Variants in FMN2 observed in about 807,000 individuals in gnomAD.
FMN2 encodes formin 2, also known as formin-2.
A neutral mutation model predicts 142.3 loss-of-function variants in FMN2; 51 were observed. The ratio of observed to expected loss-of-function variants is 0.36; its 90% CI spans 0.29 to 0.45. The LOEUF is 0.45. FMN2 is among the 20% of genes least tolerant of loss of function. FMN2 has a pLI of 1.00. For missense variants in FMN2, 1,936 were observed against 2,122.8 expected (o/e 0.91, Z 1.73); for synonymous variants, 882 against 869.8 (o/e 1.01, Z -0.25).
chr1:240,386,438 T>C (rs1320159251), intron 14 of FMN2, among the ~76,000 whole-genome samples: 1 of 152,208 alleles, frequency 6.6e-6, no homozygotes, highest in Non-Finnish European at 1.5e-5. Flanking sequence ...CCATCTGATA[T>C]TACTCAAATG....
At chr1:240,331,917 G>C (rs1197444406) in intron 11 of FMN2, among the ~76,000 whole-genome samples, 1 of 152,148 alleles carries the variant, frequency 6.6e-6, no homozygotes, top group Admixed American at 6.5e-5. Context: ...GTGAAAAACA[G>C]AATGGTTGTA....
chr1:240,454,229 A>T (rs995543711), intron 16 of FMN2, among the ~76,000 whole-genome samples: 2 of 152,054 alleles, frequency 1.3e-5, no homozygotes, highest in African/African-American at 4.8e-5. Context: ...ACTCTTGCTG[A>T]GCATCATTCT....
intron 15 of FMN2, among the ~76,000 whole-genome samples, chr1:240,436,867 A>G (rs191830723): frequency 1.3e-5 from 2 of 152,138 alleles, no homozygotes; most frequent in African/African-American, 4.8e-5. Flanking sequence ...TTTCTACTTC[A>G]GAGTAGATCA....
intron 13 of FMN2, among the ~76,000 whole-genome samples, chr1:240,351,001 G>A (rs1672077633): frequency 6.6e-6 from 1 of 152,172 alleles, no homozygotes; most frequent in East Asian, 1.9e-4. Flanking sequence ...TTGCCTGTGG[G>A]AGATTATTCT....
chr1:240,320,267 G>T (rs182060385), intron 8 of FMN2, among the ~76,000 whole-genome samples: 3 of 152,004 alleles, frequency 2.0e-5, no homozygotes, highest in Admixed American at 2.0e-4. Flanking sequence ...GAAAAAGACT[G>T]GGGGAGAGGG....
intron 1 of FMN2, among the ~76,000 whole-genome samples, chr1:240,102,455 C>G (rs188516582): frequency 3.3e-5 from 5 of 151,938 alleles, no homozygotes; most frequent in African/African-American, 1.2e-4. Flanking sequence ...ATTTTTTAAC[C>G]TATATACTTG....
chr1:240,218,733 C>T (rs1667000638), intron 6 of FMN2, among the ~76,000 whole-genome samples: 1 of 152,064 alleles, frequency 6.6e-6, no homozygotes. Flanking sequence ...GATGACAGCA[C>T]AGTTGATCCA....
At chr1:240,287,747 T>G (rs1203254292) in intron 7 of FMN2, among the ~76,000 whole-genome samples, 1 of 152,228 alleles carries the variant, frequency 6.6e-6, no homozygotes, top group Non-Finnish European at 1.5e-5. Context: ...CAACATTTTC[T>G]GAGTGTTTGC....
intron 6 of FMN2, among the ~76,000 whole-genome samples, chr1:240,231,077 T>G (rs1667511616): frequency 7.6e-6 from 1 of 131,822 alleles, no homozygotes; most frequent in Non-Finnish European, 1.6e-5. Flanking sequence ...ACTTGGCTGT[T>G]GTGTTGTAAG....
At chr1:240,281,472 T>A (rs1044133462) in intron 7 of FMN2, among the ~76,000 whole-genome samples, 1 of 152,174 alleles carries the variant, frequency 6.6e-6, no homozygotes, top group African/African-American at 2.4e-5. Context: ...TGGTTTATGC[T>A]GTATCCTCAG....
chr1:240,123,519 A>AAAG (rs1553327815), intron 2 of FMN2, among the ~76,000 whole-genome samples, 174 bp downstream of exon 2: 4,133 of 150,864 alleles, frequency 0.027, 76 homozygotes, highest in Admixed American at 0.044. Flanking sequence ...AAAAAAAAAA[A>AAAG]AAAGAAAGAA....
chr1:240,400,692 C>T (rs1454166263), intron 15 of FMN2: 1 of 152,142 alleles, frequency 6.6e-6, no homozygotes, highest in Non-Finnish European at 1.5e-5. Context: ...CAGTGGCTCA[C>T]CATATGTACT....
chr1:240,375,259 G>A (rs1200282139), intron 14 of FMN2, among the ~76,000 whole-genome samples: 2 of 152,114 alleles, frequency 1.3e-5, no homozygotes, highest in Non-Finnish European at 2.9e-5. Context: ...GAAATACGGC[G>A]AGAATTACCA....
At chr1:240,271,680 C>G (rs1045244906) in intron 7 of FMN2, among the ~76,000 whole-genome samples, 6 of 151,934 alleles carry the variant, frequency 3.9e-5, no homozygotes, top group Non-Finnish European at 7.4e-5. Context: ...CCTGTGTAAC[C>G]TTTTCATCAA....
At chr1:240,451,487 A>G (rs1229709935) in intron 16 of FMN2, among the ~76,000 whole-genome samples, 3 of 152,092 alleles carry the variant, frequency 2.0e-5, no homozygotes, top group African/African-American at 7.2e-5. Flanking sequence ...GGGCTTTACA[A>G]TATTCTGCCC....
chr1:240,396,097 A>G (rs1407398263), intron 15 of FMN2, among the ~76,000 whole-genome samples: 1 of 152,192 alleles, frequency 6.6e-6, no homozygotes, highest in Non-Finnish European at 1.5e-5. Context: ...AATTGTTAAC[A>G]CTTTTTAGTA....
chr1:240,377,878 TATTATATTCCC>T (rs1381325845), intron 14 of FMN2, among the ~76,000 whole-genome samples: 5 of 152,104 alleles, frequency 3.3e-5, no homozygotes, highest in Non-Finnish European at 5.9e-5. Context: ...TAATTTATTA[TATTATATTCCC>T]ATGTAATATA....
intron 3 of FMN2, among the ~76,000 whole-genome samples, chr1:240,181,636 A>G (rs562563790): frequency 6.6e-6 from 1 of 152,306 alleles, no homozygotes; most frequent in East Asian, 1.9e-4. Flanking sequence ...GATGGGCCTA[A>G]AGTGTTAACA....
intron 16 of FMN2, among the ~76,000 whole-genome samples, chr1:240,451,859 A>G (rs1676059391): frequency 6.6e-6 from 1 of 152,068 alleles, no homozygotes; most frequent in African/African-American, 2.4e-5. Context: ...AGCACTATTA[A>G]TATTTCTCTT....
Sources: allele counts gnomAD v4.1 joint callset (sites outside exome capture counted in the v4.1 genomes callset), GRCh38; gene constraint gnomAD v4.1.1; transcripts MANE v1.5; gene names NCBI Gene and HGNC (gene_info 2026-07-23, HGNC 2026-07-21).